SLC10A6: variants seen among roughly 807,000 people sequenced by gnomAD.
SLC10A6 encodes the protein sodium-dependent organic anion transporter.
Under a neutral mutation model 30.0 loss-of-function variants are expected in SLC10A6, and 27 were observed. The observed-to-expected ratio is 0.90, with a 90% confidence interval of 0.66 to 1.24. The LOEUF (loss-of-function observed/expected upper bound fraction) is 1.24, where lower values mean the gene tolerates loss of function less well. Ranked by LOEUF, SLC10A6 falls within the 50% of genes most tolerant of loss-of-function variation. The pLI is 0.00. For synonymous variants in SLC10A6, 166 were observed against 173.8 expected (o/e 0.95, Z 0.36); for missense variants, 439 against 457.0 (o/e 0.96, Z 0.36).
intron 1 of SLC10A6, among the ~76,000 whole-genome samples, chr4:86,844,177 CA>C (rs950774489): frequency 4.6e-5 from 7 of 151,330 alleles, no homozygotes; most frequent in African/African-American, 9.7e-5. Flanking sequence ...GACTCCGTCT[CA>C]AAAAAAATCA....
chr4:86,833,509 A>C (rs1746124580), intron 1 of SLC10A6, 85 bp from the exon 2 acceptor site: 1 of 948,198 alleles, frequency 1.1e-6, no homozygotes, highest in Non-Finnish European at 1.7e-6. Context: ...CCTAGGACAC[A>C]ATTTCCTAGA....
chr4:86,841,046 A>G (rs1746280992), intron 1 of SLC10A6, among the ~76,000 whole-genome samples: 1 of 152,220 alleles, frequency 6.6e-6, no homozygotes, highest in Admixed American at 6.5e-5. Flanking sequence ...TTCTTAGTCT[A>G]TGATAGTGCT....
At position 86,828,011 on chromosome 4, in the gene SLC10A6, G is replaced by A. The variant is rs145639709; in HGVS notation, c.743C>T (p.Thr248Ile). ...HVTGFLLALF[T>I]HQSWQRCRTI... ...ACTATACCTTTGCCAAGACTGGTGG[G>A]TAAAAAGTGCCAGCAGAAAACCCGT... The change falls in exon 4 of 6, where the codon ACC becomes ATC. Residue 248 changes from threonine to isoleucine, a missense_variant. By Grantham distance (89) the Thr-to-Ile change is moderately conservative. Transcript: ENST00000273905. 1 of 1,613,680 alleles carries A rather than the reference G, an allele frequency of 6.2e-7. No individual in the cohort carries two copies. The highest frequency in any genetic ancestry group is 8.5e-7 in the Non-Finnish European group (1 of 1,179,870).
At chr4:86,827,893 C>T in intron 4 of SLC10A6, 100 bp downstream of exon 4, 2 of 1,155,400 alleles carry the variant, frequency 1.7e-6, no homozygotes, top group Non-Finnish European at 2.4e-6. Flanking sequence ...CTATGTAAGT[C>T]AAAACTCTTC....
chr4:86,839,111 T>C (rs1438500220), intron 1 of SLC10A6, among the ~76,000 whole-genome samples: 9 of 151,790 alleles, frequency 5.9e-5, no homozygotes, highest in Non-Finnish European at 1.2e-4. Flanking sequence ...GTTAAATCAA[T>C]AGGATTTTTT....
At chr4:86,831,953 A>G in intron 2 of SLC10A6, 73 bp from the exon 3 acceptor site, 4 of 1,201,694 alleles carry the variant, frequency 3.3e-6, no homozygotes, top group Non-Finnish European at 4.9e-6. Context: ...AACAACTTCT[A>G]TTTCAATTAG....
At position 86,828,045 on chromosome 4, in the gene SLC10A6, C is replaced by T; in HGVS notation, c.709G>A (p.Gly237Ser). The T allele has an allele frequency of 6.2e-7, 1 of 1,613,698 alleles. No homozygotes were observed. Among genetic ancestry groups the T allele is most frequent in the Non-Finnish European group, 8.5e-7 (1 of 1,179,856 alleles). Residue 237 changes from glycine (G) to serine (S), a missense_variant, in exon 4 of 6, where the codon GGC becomes AGC. Transcript: ENST00000273905. ...GCCAGCAGAAAACCCGTGACATGGC[C>T]AATCAAAGGAAAGATGAAACTGATG... ...LTISFIFPLI[G>S]HVTGFLLALF...
chr4:86,825,941 TAGA>T (rs956136039), intron 4 of SLC10A6, among the ~76,000 whole-genome samples: 8 of 152,110 alleles, frequency 5.3e-5, no homozygotes, highest in Non-Finnish European at 1.2e-4. Flanking sequence ...TGGAAAAAAA[TAGA>T]AGAAGCTTTT....
intron 2 of SLC10A6, 35 bp downstream of exon 2, chr4:86,833,271 A>G: frequency 6.9e-7 from 1 of 1,453,914 alleles, no homozygotes; most frequent in South Asian, 1.2e-5. Context: ...CATCACCATT[A>G]CTGTTAGTCC....
At chr4:86,833,966 T>C (rs1484390006) in intron 1 of SLC10A6, among the ~76,000 whole-genome samples, 1 of 152,206 alleles carries the variant, frequency 6.6e-6, no homozygotes, top group African/African-American at 2.4e-5. Flanking sequence ...GAATCATACA[T>C]GCAGCCTTTT....
chr4:86,833,269 T>C, intron 2 of SLC10A6, 37 bp downstream of exon 2: 1 of 1,454,684 alleles, frequency 6.9e-7, no homozygotes, highest in Non-Finnish European at 9.6e-7. Context: ...ATCATCACCA[T>C]TACTGTTAGT....
chr4:86,825,420 C>A lies in SLC10A6; in HGVS notation c.919G>T (p.Ala307Ser). The change falls in exon 5 of 6, where the codon GCA (alanine) becomes TCA (serine). Residue 307 changes from alanine (A) to serine (S), a missense_variant and splice_region_variant. Transcript: ENST00000273905. The part of the protein sequence containing the change: ...QLIDGFLIVA[A>S]YQTYKRRLKN... ...TCCTACCCAATGGGTGTTCACCCACCTGCAACAATAAGAAATCCATCTATC... is the reference window on the plus strand; with the variant it reads ...TCCTACCCAATGGGTGTTCACCCACATGCAACAATAAGAAATCCATCTATC... 1 of 1,584,782 alleles carries A rather than the reference C, an allele frequency of 6.3e-7. No homozygotes were observed. The highest frequency in any genetic ancestry group is 8.6e-7 in the Non-Finnish European group (1 of 1,157,102).
chr4:86,832,330 C>A (rs1428803993), intron 2 of SLC10A6, among the ~76,000 whole-genome samples: 1 of 152,138 alleles, frequency 6.6e-6, no homozygotes, highest in African/African-American at 2.4e-5. Flanking sequence ...GTTGGCCAGG[C>A]ACGGTGGCTT....
chr4:86,842,306 G>A (rs1259888408), intron 1 of SLC10A6, among the ~76,000 whole-genome samples: 1 of 152,220 alleles, frequency 6.6e-6, no homozygotes, highest in Non-Finnish European at 1.5e-5. Flanking sequence ...AACACCACCA[G>A]TGGTCAGAAT....
intron 5 of SLC10A6, among the ~76,000 whole-genome samples, 184 bp from the exon 6 acceptor site, chr4:86,824,086 G>A (rs1219737452): frequency 6.6e-6 from 1 of 152,198 alleles, no homozygotes; most frequent in Non-Finnish European, 1.5e-5. Context: ...TATCAGAATG[G>A]CTCTTTTGTC....
At chr4:86,848,581 A>G (rs1217438045) in intron 1 of SLC10A6, among the ~76,000 whole-genome samples, 158 bp downstream of exon 1, 1 of 152,220 alleles carries the variant, frequency 6.6e-6, no homozygotes, top group Non-Finnish European at 1.5e-5. Context: ...CACTGAAAGG[A>G]AAGCCCACCC....
intron 4 of SLC10A6, among the ~76,000 whole-genome samples, chr4:86,826,561 T>G (rs975099225): frequency 6.6e-5 from 10 of 151,250 alleles, no homozygotes; most frequent in African/African-American, 2.4e-4. Context: ...AATAAATAAA[T>G]AAATAAATAA....
intron 3 of SLC10A6, among the ~76,000 whole-genome samples, chr4:86,829,197 G>A (rs924906438): frequency 4.6e-5 from 7 of 152,114 alleles, no homozygotes; most frequent in Non-Finnish European, 1.0e-4. Flanking sequence ...GATCACCTGA[G>A]GTCAGGAGTT....
intron 4 of SLC10A6, among the ~76,000 whole-genome samples, chr4:86,825,788 T>C (rs1745984607): frequency 1.3e-5 from 2 of 152,262 alleles, no homozygotes; most frequent in African/African-American, 4.8e-5. Context: ...CCTAGGCATC[T>C]GAGTAAAAAG....
Sources: allele counts gnomAD v4.1 joint callset (sites outside exome capture counted in the v4.1 genomes callset), GRCh38; gene constraint gnomAD v4.1.1; transcripts MANE v1.5; gene names NCBI Gene and HGNC (gene_info 2026-07-23, HGNC 2026-07-21).